Variants in RABGEF1 observed in about 807,000 individuals in gnomAD.
The protein encoded by RABGEF1 is RAB guanine nucleotide exchange factor 1.
In RABGEF1, 26 loss-of-function variants were observed where a neutral mutation model predicts 57.3. The ratio of observed to expected loss-of-function variants is 0.45; its 90% confidence interval spans 0.33 to 0.63. RABGEF1 has a LOEUF of 0.63. Among genes scored for constraint, RABGEF1 ranks in the 20% least tolerant of loss-of-function variants. The pLI, the probability that RABGEF1 is intolerant of heterozygous loss-of-function variation, is 0.02. For synonymous variants in RABGEF1, 185 were observed against 210.7 expected (o/e 0.88, Z 1.06); for missense variants, 464 against 607.6 (o/e 0.76, Z 2.48).
chr7:66,773,041 A>G (rs1346550575), intron 2 of RABGEF1, among the ~76,000 whole-genome samples: 1 of 152,104 alleles, frequency 6.6e-6, no homozygotes, highest in African/African-American at 2.4e-5. Flanking sequence ...TCAACAGAAG[A>G]AAGTCAAATG....
At chr7:66,801,960 T>A (rs1787392263) in intron 7 of RABGEF1, among the ~76,000 whole-genome samples, 1 of 152,144 alleles carries the variant, frequency 6.6e-6, no homozygotes, top group Non-Finnish European at 1.5e-5. Flanking sequence ...CAGGCTGGAG[T>A]GCAAGTGGCA....
chr7:66,709,408 T>C (rs1341292993), intron 1 of RABGEF1, among the ~76,000 whole-genome samples: 2 of 152,198 alleles, frequency 1.3e-5, no homozygotes, highest in African/African-American at 4.8e-5. Flanking sequence ...CATTACAGTG[T>C]ACATAAGCAT....
At chr7:66,764,250 C>T (rs1351801349) in intron 1 of RABGEF1, among the ~76,000 whole-genome samples, 1 of 152,186 alleles carries the variant, frequency 6.6e-6, no homozygotes, top group Non-Finnish European at 1.5e-5. Context: ...TTCATATACT[C>T]ACGACTGTTT....
intron 1 of RABGEF1, among the ~76,000 whole-genome samples, chr7:66,704,053 T>C (rs566805567): frequency 6.6e-6 from 1 of 152,350 alleles, no homozygotes; most frequent in South Asian, 2.1e-4. Context: ...TTTGAAGCTA[T>C]TGCACATAGA....
intron 1 of RABGEF1, among the ~76,000 whole-genome samples, chr7:66,708,090 A>G (rs1486316249): frequency 6.6e-6 from 1 of 152,124 alleles, no homozygotes; most frequent in Non-Finnish European, 1.5e-5. Context: ...TACTTCTCCC[A>G]GTCTATATGC....
intron 4 of RABGEF1, among the ~76,000 whole-genome samples, chr7:66,787,783 G>A (rs1349088029): frequency 6.6e-6 from 1 of 152,188 alleles, no homozygotes; most frequent in Non-Finnish European, 1.5e-5. Context: ...TGTGGTGAGG[G>A]CAATTTTAAG....
chr7:66,709,056 C>T lies in RABGEF1; in HGVS notation c.-872-3111C>T, dbSNP rs542254700. On this transcript the variant is annotated intron_variant and NMD_transcript_variant, in intron 1 of 9. Transcript: ENST00000607882. ...GGTGAGACAAGAGTTTCACTCATGT[C>T]GCCCAGGCTAGAGCGCAATGGCACA... 1.2e-4 allele frequency among the ~76,000 whole-genome samples: 18 copies of T among 149,704 alleles called. No homozygotes were observed. In the East Asian group the frequency reaches 3.1e-3, roughly 26 times the overall value.
chr7:66,701,171 A>G (rs968934201), intron 1 of RABGEF1, among the ~76,000 whole-genome samples: 3 of 152,166 alleles, frequency 2.0e-5, no homozygotes, highest in Non-Finnish European at 4.4e-5. Flanking sequence ...CATAGCCTGG[A>G]AAGTGTCACC....
chr7:66,703,209 G>A (rs186043655), intron 1 of RABGEF1, among the ~76,000 whole-genome samples: 9 of 152,174 alleles, frequency 5.9e-5, no homozygotes, highest in Middle Eastern at 3.4e-3. Context: ...TCCTGACCTC[G>A]TGCCCGCCCG....
intron 5 of RABGEF1, 64 bp downstream of exon 5, chr7:66,795,656 C>T: frequency 7.1e-7 from 1 of 1,412,466 alleles, no homozygotes; most frequent in Non-Finnish European, 1.0e-6. Flanking sequence ...AGTCTCTTAG[C>T]AATTTCTTTC....
At chr7:66,738,014 G>GTTTTT (rs759479602), upstream of RABGEF1, among the ~76,000 whole-genome samples, 2 of 139,896 alleles carry the variant, frequency 1.4e-5, no homozygotes, top group African/African-American at 5.2e-5. Context: ...TGTGTTTTTT[G>GTTTTT]TTTTTTTTGT....
At chr7:66,708,362 A>G (rs1794376220) in intron 1 of RABGEF1, among the ~76,000 whole-genome samples, 1 of 151,508 alleles carries the variant, frequency 6.6e-6, no homozygotes, top group African/African-American at 2.4e-5. Context: ...ATCTTGGCTC[A>G]CTGCAACCTT....
At chr7:66,789,669 C>A (rs1344205522) in intron 4 of RABGEF1, among the ~76,000 whole-genome samples, 7 of 102,910 alleles carry the variant, frequency 6.8e-5, no homozygotes, top group African/African-American at 2.4e-4. Flanking sequence ...AGCATCGGAG[C>A]GAGACTCTAT....
chr7:66,761,529 C>T (rs1374632088), intron 1 of RABGEF1, among the ~76,000 whole-genome samples: 2 of 152,226 alleles, frequency 1.3e-5, no homozygotes, highest in Non-Finnish European at 2.9e-5. Context: ...GGTGCACACC[C>T]TCCAGGAACC....
chr7:66,720,797 T>A (rs1167911790), intron 2 of RABGEF1, among the ~76,000 whole-genome samples: 2 of 152,132 alleles, frequency 1.3e-5, no homozygotes, highest in African/African-American at 2.4e-5. Flanking sequence ...GTATAGAAAG[T>A]CCCAGGAGAT....
intron 5 of RABGEF1, among the ~76,000 whole-genome samples, chr7:66,796,424 A>T (rs148617557): frequency 4.6e-5 from 7 of 152,324 alleles, no homozygotes; most frequent in Non-Finnish European, 8.8e-5. Flanking sequence ...AGCATTCATC[A>T]GTCTTGGGAG....
intron 2 of RABGEF1, among the ~76,000 whole-genome samples, chr7:66,712,736 G>A (rs1023439594): frequency 2.0e-5 from 3 of 152,132 alleles, no homozygotes; most frequent in Non-Finnish European, 2.9e-5. Flanking sequence ...GCCTCCCAAA[G>A]TGCTGGGATT....
chr7:66,671,446 A>G, the RABGEF1 span, among the ~76,000 whole-genome samples: 1 of 152,182 alleles, frequency 6.6e-6, no homozygotes, highest in Non-Finnish European at 1.5e-5. Context: ...GAGTACCTTT[A>G]GACCTGGATT....
At chr7:66,675,986 A>C in the RABGEF1 span, among the ~76,000 whole-genome samples, 1 of 152,148 alleles carries the variant, frequency 6.6e-6, no homozygotes, top group Non-Finnish European at 1.5e-5. Context: ...TTAAGTTTTA[A>C]GAGCTCTCGA....
Sources: allele counts gnomAD v4.1 joint callset (sites outside exome capture counted in the v4.1 genomes callset), GRCh38; gene constraint gnomAD v4.1.1; transcripts MANE v1.5; gene names NCBI Gene and HGNC (gene_info 2026-07-23, HGNC 2026-07-21).